The following MLIP variants were observed in gnomAD, a reference collection of about 807,000 sequenced individuals.
MLIP encodes muscular LMNA interacting protein.
MLIP carries 79 observed loss-of-function variants against 84.8 expected under a neutral mutation model. That is an observed-to-expected ratio of 0.93 (90% confidence interval 0.78 to 1.12). MLIP has a LOEUF of 1.12. MLIP is among the 50% of genes most tolerant of loss of function. The pLI is 0.00. For missense variants in MLIP, 1,257 were observed against 1,160.6 expected (o/e 1.08, Z -1.21); for synonymous variants, 504 against 463.0 (o/e 1.09, Z -1.14).
At chr6:54,082,838 T>C (rs1435985676) in intron 1 of MLIP, among the ~76,000 whole-genome samples, 1 of 152,174 alleles carries the variant, frequency 6.6e-6, no homozygotes, top group Non-Finnish European at 1.5e-5. Context: ...AAAACTGAAT[T>C]ATAGAGCACT....
intron 11 of MLIP, among the ~76,000 whole-genome samples, chr6:54,211,238 T>C (rs1241122303): frequency 6.6e-6 from 1 of 152,034 alleles, no homozygotes; most frequent in African/African-American, 2.4e-5. Flanking sequence ...AAAATAAAAA[T>C]AAAAATCAAT....
At chr6:54,113,644 A>C (rs1463549848) in intron 1 of MLIP, among the ~76,000 whole-genome samples, 1 of 152,170 alleles carries the variant, frequency 6.6e-6, no homozygotes, top group East Asian at 1.9e-4. Context: ...TCACAAGCTC[A>C]GTGCCCTTCC....
intron 5 of MLIP, among the ~76,000 whole-genome samples, chr6:54,157,036 G>A (rs1422651095): frequency 6.6e-6 from 1 of 152,022 alleles, no homozygotes; most frequent in Admixed American, 6.6e-5. Flanking sequence ...GATCTAGGGA[G>A]AGTTAATCAC....
chr6:54,145,620 A>AG lies in MLIP; in HGVS notation c.2218-3436_2218-3435insG, dbSNP rs1772727105. Among the ~76,000 whole-genome samples the AG allele has an allele frequency of 2.0e-5, 3 of 152,114 alleles. No individual in the cohort carries two copies. The South Asian group carries it at 6.2e-4, about 32-fold the overall frequency. On this transcript the variant is annotated intron_variant, in intron 4 of 13. Coordinates refer to ENST00000502396, the MANE Select transcript of MLIP (RefSeq NM_001281747.2). Reference sequence around the variant, plus strand: ...GAACCCATCTCTACAAAAAAAATAAAAAAAAATTAGCTGGGTATGCTGCCA... The same window carrying AG: ...GAACCCATCTCTACAAAAAAAATAAAGAAAAAATTAGCTGGGTATGCTGCCA...
intron 1 of MLIP, among the ~76,000 whole-genome samples, chr6:54,027,394 C>A (rs1353279170): frequency 6.7e-6 from 1 of 149,664 alleles, no homozygotes; most frequent in Non-Finnish European, 1.5e-5. Flanking sequence ...CACACACACA[C>A]ACACACACAC....
At chr6:54,142,033 C>A (rs144742392) in intron 4 of MLIP, among the ~76,000 whole-genome samples, 5 of 152,208 alleles carry the variant, frequency 3.3e-5, no homozygotes, top group Non-Finnish European at 5.9e-5. Flanking sequence ...ACACTGAAAA[C>A]TTAGTGGCAG....
intron 11 of MLIP, chr6:54,216,573 C>G (rs1427828878): frequency 1.0e-6 from 1 of 979,638 alleles, no homozygotes; most frequent in Non-Finnish European, 1.2e-6. Context: ...TATCCAAATT[C>G]TATCTTAAAA....
At chr6:54,088,891 T>C (rs1298042523) in intron 1 of MLIP, among the ~76,000 whole-genome samples, 2 of 152,204 alleles carry the variant, frequency 1.3e-5, no homozygotes, top group East Asian at 3.8e-4. Context: ...GTGCTCAAAT[T>C]ATTTTATTGA....
At chr6:54,165,680 A>G (rs1775107226) in intron 8 of MLIP, among the ~76,000 whole-genome samples, 1 of 151,968 alleles carries the variant, frequency 6.6e-6, no homozygotes, top group Admixed American at 6.6e-5. Flanking sequence ...GCTGAAAATG[A>G]CAAGATCAAA....
At chr6:54,027,991 T>C (rs1363186249) in intron 1 of MLIP, among the ~76,000 whole-genome samples, 1 of 152,204 alleles carries the variant, frequency 6.6e-6, no homozygotes, top group African/African-American at 2.4e-5. Flanking sequence ...ATTACAATTA[T>C]ATATCTAGTT....
At chr6:54,097,487 T>C in intron 1 of MLIP, among the ~76,000 whole-genome samples, 1 of 152,244 alleles carries the variant, frequency 6.6e-6, no homozygotes, top group East Asian at 1.9e-4. Flanking sequence ...AAAATTATTG[T>C]TATTTTAAAA....
chr6:54,200,722 C>G (rs1304437997), intron 10 of MLIP, among the ~76,000 whole-genome samples: 1 of 149,840 alleles, frequency 6.7e-6, no homozygotes, highest in East Asian at 2.0e-4. Flanking sequence ...TTCATTTTTC[C>G]CCTTGAGAAA....
intron 1 of MLIP, among the ~76,000 whole-genome samples, chr6:54,092,291 A>G (rs1767921172): frequency 6.6e-6 from 1 of 152,106 alleles, no homozygotes; most frequent in African/African-American, 2.4e-5. Flanking sequence ...GTGAATTGCA[A>G]TTTCAATGCA....
chr6:54,261,743 T>G (rs1582660311), intron 13 of MLIP: 3 of 985,018 alleles, frequency 3.0e-6, no homozygotes, highest in Non-Finnish European at 3.6e-6. Flanking sequence ...TACTTGCCCG[T>G]GGAAGCCACT....
chr6:54,073,482 C>T (rs1052550793), intron 1 of MLIP, among the ~76,000 whole-genome samples: 3 of 151,932 alleles, frequency 2.0e-5, no homozygotes, highest in South Asian at 4.1e-4. Flanking sequence ...TACTTTTTTT[C>T]GGTTAGTCCT....
chr6:54,038,375 G>A lies in MLIP; in HGVS notation c.63+19284G>A, dbSNP rs187409120. 1.4e-3 allele frequency among the ~76,000 whole-genome samples: 211 copies of A among 151,964 alleles called. 4 individuals are homozygous for A. Among genetic ancestry groups the A allele is most frequent in the African/African-American group, 4.0e-3 (165 of 41,536 alleles). Reference sequence around the variant, plus strand: ...AAATGGTTTGGATTAGTGTTTGTCTGTGACGAGGTTTTACTCACTCGAGTA... The same window carrying A: ...AAATGGTTTGGATTAGTGTTTGTCTATGACGAGGTTTTACTCACTCGAGTA... On this transcript the variant is annotated intron_variant, in intron 1 of 12. Coordinates refer to the MLIP transcript ENST00000274897.
Position 54,138,725 on chromosome 6 carries a change from G to A in MLIP, c.2217+439G>A, listed in dbSNP as rs540411671. 1.5e-4 allele frequency among the ~76,000 whole-genome samples: 23 copies of A among 152,232 alleles called. No individual in the cohort carries two copies. The South Asian group carries it at 4.6e-3, about 30-fold the overall frequency. The stretch of plus-strand genomic sequence containing the variant: ...ATAGTAGACAGGATTAATATAAAAT[G>A]GAATATTATCTTAGATCTAGGCCTG... On this transcript the variant is annotated intron_variant, in intron 4 of 13. Transcript: ENST00000502396.
rs190055032 is a variant in MLIP at position 54,048,678 on chromosome 6, T to C, written c.63+29587T>C. 3.3e-5 allele frequency among the ~76,000 whole-genome samples: 5 copies of C among 152,042 alleles called. No homozygotes were observed. In the East Asian group the frequency reaches 9.7e-4, roughly 29 times the overall value. ...TATATGTTTCCCCTGAAGAGCAGAG[T>C]GGTTCCATAGGGCACAGATGAAGGC... On this transcript the variant is annotated intron_variant, in intron 1 of 12. Transcript: ENST00000274897.
At chr6:54,156,649 CATTTTACCAGGGAGT>C (rs1774061749) in intron 5 of MLIP, among the ~76,000 whole-genome samples, 1 of 152,136 alleles carries the variant, frequency 6.6e-6, no homozygotes, top group Admixed American at 6.6e-5. Flanking sequence ...TTCTCTAGAG[CATTTTACCAGGGAGT>C]ATTTAAATCA....
Sources: gnomAD v4.1 joint callset for allele counts (sites outside exome capture counted in the v4.1 genomes callset) on GRCh38, gnomAD v4.1.1 for gene constraint, MANE v1.5 for transcripts, NCBI Gene and HGNC (gene_info 2026-07-23, HGNC 2026-07-21) for gene names.